Variants in PLCXD3 observed in about 807,000 individuals in gnomAD.
PLCXD3 encodes the protein PI-PLC X domain-containing protein 3.
A neutral mutation model predicts 25.5 loss-of-function variants in PLCXD3; 19 were observed. The ratio of observed to expected loss-of-function variants is 0.75; its 90% CI spans 0.52 to 1.09. The LOEUF (loss-of-function observed/expected upper bound fraction) is 1.09. Ranked by LOEUF, PLCXD3 falls within the 50% of genes least tolerant of loss-of-function variation. The pLI, the probability that PLCXD3 is intolerant of heterozygous loss-of-function variation, is 0.00. For missense variants in PLCXD3, 411 were observed against 388.1 expected, an observed-to-expected ratio of 1.06 and a Z score of -0.50; for synonymous variants, 174 against 137.6, an observed-to-expected ratio of 1.26 and a Z score of -1.85.
chr5:41,449,697 G>A (rs1747583672), intron 1 of PLCXD3, among the ~76,000 whole-genome samples: 1 of 152,126 alleles, frequency 6.6e-6, no homozygotes, highest in African/African-American at 2.4e-5. Context: ...CTATAGGAGT[G>A]CCTCAGAGTT....
chr5:41,442,806 T>A (rs1747413079), intron 1 of PLCXD3, among the ~76,000 whole-genome samples: 1 of 152,148 alleles, frequency 6.6e-6, no homozygotes, highest in African/African-American at 2.4e-5. Context: ...CAAATCTGAT[T>A]GCATTACTCT....
At chr5:41,332,652 T>C (rs971587786) in intron 2 of PLCXD3, among the ~76,000 whole-genome samples, 2 of 152,082 alleles carry the variant, frequency 1.3e-5, no homozygotes, top group Non-Finnish European at 2.9e-5. Context: ...CACATATGTT[T>C]ATTGCGGCAC....
intron 2 of PLCXD3, among the ~76,000 whole-genome samples, chr5:41,372,316 A>T (rs1180030541): frequency 5.1e-4 from 74 of 145,074 alleles, no homozygotes; most frequent in African/African-American, 1.9e-3. Flanking sequence ...ACACACACAC[A>T]CACACACACA....
intron 1 of PLCXD3, among the ~76,000 whole-genome samples, chr5:41,465,377 T>TTTTTTTTA (rs1747993677): frequency 7.0e-6 from 1 of 143,008 alleles, no homozygotes; most frequent in East Asian, 2.0e-4. Context: ...TTTTTTTTTT[T>TTTTTTTTA]TTTTTTTTTG....
intron 2 of PLCXD3, among the ~76,000 whole-genome samples, chr5:41,337,310 A>G (rs1166457560): frequency 6.6e-6 from 1 of 152,116 alleles, no homozygotes; most frequent in Non-Finnish European, 1.5e-5. Flanking sequence ...AATAATATAT[A>G]AAAGGCTCAG....
intron 1 of PLCXD3, among the ~76,000 whole-genome samples, chr5:41,472,473 T>G (rs901386998): frequency 2.0e-5 from 3 of 152,226 alleles, no homozygotes; most frequent in African/African-American, 7.2e-5. Flanking sequence ...GAAGATAAAC[T>G]GTGTTAAATT....
At chr5:41,395,905 A>C (rs1233606493) in intron 1 of PLCXD3, among the ~76,000 whole-genome samples, 1 of 152,048 alleles carries the variant, frequency 6.6e-6, no homozygotes, top group African/African-American at 2.4e-5. Context: ...AATCTGATTC[A>C]AACTATTCTA....
intron 1 of PLCXD3, among the ~76,000 whole-genome samples, chr5:41,475,931 G>A (rs1256732137): frequency 6.6e-6 from 1 of 152,200 alleles, no homozygotes; most frequent in African/African-American, 2.4e-5. Flanking sequence ...CAGCCCCTGA[G>A]CTTTCATAGC....
intron 2 of PLCXD3, among the ~76,000 whole-genome samples, chr5:41,336,401 GTTAA>G (rs1425605118): frequency 1.3e-5 from 2 of 152,102 alleles, no homozygotes; most frequent in Admixed American, 6.6e-5. Context: ...CTCAATGCAG[GTTAA>G]TTGTTACTCC....
At chr5:41,510,055 G>A (rs640185) in intron 1 of PLCXD3, among the ~76,000 whole-genome samples, 1 of 152,102 alleles carries the variant, frequency 6.6e-6, no homozygotes, top group African/African-American at 2.4e-5. Context: ...CTTCACACAC[G>A]GTCACCCCGC....
intron 1 of PLCXD3, among the ~76,000 whole-genome samples, chr5:41,444,808 T>A (rs1747459014): frequency 6.6e-6 from 1 of 152,194 alleles, no homozygotes; most frequent in African/African-American, 2.4e-5. Context: ...GTTATTTTGT[T>A]AGCACCTGGT....
At chr5:41,435,197 C>T (rs1747218185) in intron 1 of PLCXD3, among the ~76,000 whole-genome samples, 1 of 152,110 alleles carries the variant, frequency 6.6e-6, no homozygotes, top group Admixed American at 6.5e-5. Flanking sequence ...ATGCCCTGGG[C>T]ATTTCTCCAA....
chr5:41,337,577 CA>C (rs1744021070), intron 2 of PLCXD3, among the ~76,000 whole-genome samples: 2 of 152,128 alleles, frequency 1.3e-5, no homozygotes, highest in South Asian at 4.1e-4. Flanking sequence ...AAAATGCTAA[CA>C]GGCAGAAGGA....
At chr5:41,354,206 A>G (rs533660478) in intron 2 of PLCXD3, among the ~76,000 whole-genome samples, 148 of 152,166 alleles carry the variant, frequency 9.7e-4, no homozygotes, top group African/African-American at 3.2e-3. Flanking sequence ...AACCTCCCAA[A>G]CTACTTTTGC....
chr5:41,415,631 G>A (rs1289029752), intron 1 of PLCXD3, among the ~76,000 whole-genome samples: 1 of 152,152 alleles, frequency 6.6e-6, no homozygotes, highest in African/African-American at 2.4e-5. Context: ...TCTGCATTTA[G>A]TAGGTAAATA....
intron 1 of PLCXD3, among the ~76,000 whole-genome samples, chr5:41,415,755 T>G (rs1311073729): frequency 6.6e-6 from 1 of 152,204 alleles, no homozygotes; most frequent in African/African-American, 2.4e-5. Context: ...GCTTGAAACT[T>G]CTTATACTAC....
chr5:41,318,328 C>T (rs188128002), intron 2 of PLCXD3, among the ~76,000 whole-genome samples: 32 of 152,238 alleles, frequency 2.1e-4, no homozygotes, highest in African/African-American at 7.7e-4. Flanking sequence ...GTAAACTACT[C>T]TTATCCTTAG....
intron 1 of PLCXD3, among the ~76,000 whole-genome samples, chr5:41,418,424 C>A (rs573081700): frequency 5.9e-5 from 9 of 152,268 alleles, no homozygotes; most frequent in Admixed American, 1.3e-4. Context: ...ATTCTGGTGA[C>A]ACACAGCCTT....
In PLCXD3 at chr5:41,309,788, TA is replaced by T. The variant is rs1743081771; in HGVS notation, c.*3828del. The T allele has an allele frequency of 6.6e-6, 1 of 152,204 alleles. No individual in the cohort carries two copies. Among genetic ancestry groups the T allele is most frequent in the Non-Finnish European group, 1.5e-5 (1 of 68,020 alleles). 9.4% of individuals were successfully genotyped at this position (152,204 alleles called of 1,614,324 possible). On this transcript the variant is annotated 3_prime_UTR_variant, in exon 3 of 3. Transcript: ENST00000377801. ...TTTGAAGTGAAATTGAGAATTTAGA[TA>T]GACTGTTCGTGCCAGGCATTTTCTA...
Sources: gnomAD v4.1 joint callset for allele counts (sites outside exome capture counted in the v4.1 genomes callset) on GRCh38, gnomAD v4.1.1 for gene constraint, MANE v1.5 for transcripts, NCBI Gene and HGNC (gene_info 2026-07-23, HGNC 2026-07-21) for gene names.